PACSIN1: variants seen among roughly 807,000 people sequenced by gnomAD.
PACSIN1 encodes the protein protein kinase C and casein kinase substrate in neurons 1.
A neutral mutation model predicts 59.5 loss-of-function variants in PACSIN1; 15 were observed. The observed-to-expected ratio is 0.25, with a 90% confidence interval of 0.17 to 0.39. The LOEUF (loss-of-function observed/expected upper bound fraction) is 0.39, where lower values mean the gene tolerates loss of function less well. PACSIN1 is among the 10% of genes least tolerant of loss of function. The pLI is 1.00. For synonymous variants in PACSIN1, 210 were observed against 220.6 expected (o/e 0.95, Z 0.42); for missense variants, 420 against 580.2 (o/e 0.72, Z 2.84).
intron 1 of PACSIN1, among the ~76,000 whole-genome samples, chr6:34,497,408 A>G (rs909430120): frequency 1.3e-5 from 2 of 152,092 alleles, no homozygotes; most frequent in African/African-American, 4.8e-5. Flanking sequence ...AGGTGCTGCT[A>G]TCATCCGCGG....
Position 34,514,702 on chromosome 6 carries a change from C to T in PACSIN1, c.-63-11541C>T, listed in dbSNP as rs1338338830. ...TGCATGCGTGCCCATGTTGATGCGG[C>T]GCCGTGCGGGAGGCGGGCATCCCCT... On this transcript the variant is annotated intron_variant, in intron 1 of 9. Coordinates refer to ENST00000244458, the MANE Select transcript of PACSIN1 (RefSeq NM_020804.5). This position sits in a 1 kb window ranked among gnomAD's most constrained non-coding sequence, Gnocchi z 4.4. Among the ~76,000 whole-genome samples the T allele has an allele frequency of 6.6e-6, 1 of 152,110 alleles. No homozygotes were observed. Among genetic ancestry groups the T allele is most frequent in the East Asian group, 1.9e-4 (1 of 5,178 alleles).
chr6:34,502,567 G>A (rs111943068), intron 1 of PACSIN1, among the ~76,000 whole-genome samples: 1,903 of 143,770 alleles, frequency 0.013, 34 homozygotes, highest in African/African-American at 0.046. Context: ...CTGGGCTCAC[G>A]CCATTCTCCT....
At chr6:34,502,099 A>G (rs1358322307) in intron 1 of PACSIN1, among the ~76,000 whole-genome samples, 1 of 151,674 alleles carries the variant, frequency 6.6e-6, no homozygotes, top group South Asian at 2.1e-4. Flanking sequence ...GGAGAAGTAC[A>G]TTGGTGTTTC....
chr6:34,482,977 G>A (rs1414954902), intron 1 of PACSIN1, among the ~76,000 whole-genome samples: 9 of 147,736 alleles, frequency 6.1e-5, no homozygotes, highest in Admixed American at 4.1e-4. Flanking sequence ...GTTAGCCACT[G>A]CGCCCAGCCA....
chr6:34,530,291 T>G lies in PACSIN1; in HGVS notation c.837T>G (p.Asp279Glu). 6.2e-7 allele frequency: 1 copy of G among 1,614,102 alleles called. No individual in the cohort carries two copies. The highest frequency in any genetic ancestry group is 1.6e-4 in the Middle Eastern group (1 of 6,062). ...TGGAGCAGGCCATCCGGGGGGCTGA[T>G]GCCCAGGAAGACCTCAGATGGTTCC... The part of the protein sequence containing the change: ...RELEQAIRGA[D>E]AQEDLRWFRS... The change falls in exon 7 of 10, where the codon GAT becomes GAG. Residue 279 changes from aspartate (D) to glutamate (E), a missense_variant. Physicochemically the swap from Asp to Glu is conservative, Grantham distance 45. Coordinates refer to ENST00000244458, the MANE Select transcript of PACSIN1 (RefSeq NM_020804.5). This position sits in a 1 kb window ranked among gnomAD's most constrained non-coding sequence, Gnocchi z 4.4.
intron 1 of PACSIN1, among the ~76,000 whole-genome samples, chr6:34,480,768 T>C (rs1198414177): frequency 6.6e-6 from 1 of 152,094 alleles, no homozygotes; most frequent in Non-Finnish European, 1.5e-5. Context: ...CACTAGGTCA[T>C]AGGGTATGTG....
intron 1 of PACSIN1, among the ~76,000 whole-genome samples, chr6:34,476,647 A>G (rs1766642748): frequency 6.6e-6 from 1 of 152,090 alleles, no homozygotes; most frequent in South Asian, 2.1e-4. Flanking sequence ...GCCCCTTGTC[A>G]TTGGCCCTGA....
chr6:34,522,961 C>T, intron 1 of PACSIN1, among the ~76,000 whole-genome samples: 1 of 152,320 alleles, frequency 6.6e-6, no homozygotes, highest in Middle Eastern at 3.4e-3. Context: ...GAGGGCAGAT[C>T]TTCCTTCCTC....
intron 1 of PACSIN1, among the ~76,000 whole-genome samples, chr6:34,517,068 C>G (rs1242541096): frequency 6.6e-6 from 1 of 152,178 alleles, no homozygotes; most frequent in Non-Finnish European, 1.5e-5. Flanking sequence ...AACTGAGCTC[C>G]CATCCCCCCA....
chr6:34,486,440 C>CG (rs955291016), intron 1 of PACSIN1, among the ~76,000 whole-genome samples: 32 of 152,112 alleles, frequency 2.1e-4, no homozygotes, highest in Admixed American at 1.8e-3. Flanking sequence ...GAGGTTTGAA[C>CG]GGGGCCTGGA....
At chr6:34,471,230 G>A (rs1766567678) in intron 1 of PACSIN1, among the ~76,000 whole-genome samples, 1 of 152,220 alleles carries the variant, frequency 6.6e-6, no homozygotes, top group Non-Finnish European at 1.5e-5. Context: ...TTACAGGCAT[G>A]AGCCACCGCG....
intron 1 of PACSIN1, among the ~76,000 whole-genome samples, chr6:34,486,380 G>A (rs1766794093): frequency 6.6e-6 from 1 of 152,128 alleles, no homozygotes; most frequent in South Asian, 2.1e-4. Flanking sequence ...CCGCTTTGAA[G>A]ATGAGAAAAC....
chr6:34,495,800 G>T (rs1359561182), intron 1 of PACSIN1, among the ~76,000 whole-genome samples: 2 of 152,188 alleles, frequency 1.3e-5, no homozygotes, highest in Non-Finnish European at 2.9e-5. Context: ...CACAGGTTTA[G>T]AAACTACTTC....
chr6:34,502,031 CAAAA>C (rs55848755), intron 1 of PACSIN1, among the ~76,000 whole-genome samples: 115 of 67,232 alleles, frequency 1.7e-3, no homozygotes, highest in African/African-American at 5.7e-3. Flanking sequence ...GACTCTGTCT[CAAAA>C]AAAAAAAAAA....
At position 34,523,830 on chromosome 6, in the gene PACSIN1, T is replaced by C. The variant is rs555849929; in HGVS notation, c.-63-2413T>C. On this transcript the variant is annotated intron_variant, in intron 1 of 9. Coordinates refer to ENST00000244458, the MANE Select transcript of PACSIN1 (RefSeq NM_020804.5). ...TGGGAAGGTGTGTCTAGCCACATGA[T>C]ACGGGGGTCCACATGCTGTCTCCTG... Among the ~76,000 whole-genome samples the C allele has an allele frequency of 8.5e-5, 13 of 152,338 alleles. No individual in the cohort carries two copies. In the East Asian group the frequency reaches 2.5e-3, roughly 29 times the overall value.
chr6:34,505,631 C>CTTTTTTTT (rs35588714), intron 1 of PACSIN1, among the ~76,000 whole-genome samples: 2 of 106,428 alleles, frequency 1.9e-5, no homozygotes, highest in African/African-American at 7.7e-5. Flanking sequence ...TACCTCCATA[C>CTTTTTTTT]TTTTTTTTTT....
intron 1 of PACSIN1, among the ~76,000 whole-genome samples, chr6:34,480,455 G>C (rs1455643671): frequency 6.8e-6 from 1 of 147,788 alleles, no homozygotes; most frequent in Non-Finnish European, 1.5e-5. Context: ...TGAACTCCCG[G>C]GCTCAAGCAA....
chr6:34,487,041 A>G (rs1766804999), intron 1 of PACSIN1, among the ~76,000 whole-genome samples: 1 of 150,370 alleles, frequency 6.7e-6, no homozygotes, highest in Admixed American at 6.6e-5. Flanking sequence ...GTGGTCGTGC[A>G]TGCCTGTAAT....
intron 1 of PACSIN1, among the ~76,000 whole-genome samples, chr6:34,522,333 G>A (rs1489819951): frequency 6.6e-6 from 1 of 152,250 alleles, no homozygotes; most frequent in African/African-American, 2.4e-5. Context: ...CACACATAAA[G>A]CATCTACAGC....
Sources: gnomAD v4.1 joint callset for allele counts (sites outside exome capture counted in the v4.1 genomes callset) on GRCh38, gnomAD v4.1.1 for gene constraint, Gnocchi (gnomAD v3.1) non-coding constraint, MANE v1.5 for transcripts, NCBI Gene and HGNC (gene_info 2026-07-23, HGNC 2026-07-21) for gene names.